Variants in WDTC1 observed in about 807,000 individuals in gnomAD.
WDTC1 encodes the protein WD and tetratricopeptide repeats 1.
WDTC1 carries 12 observed loss-of-function variants against 76.0 expected under a neutral mutation model. The observed-to-expected ratio is 0.16, with a 90% CI of 0.10 to 0.26. WDTC1 has a LOEUF of 0.26. Among genes scored for constraint, WDTC1 ranks in the 10% least tolerant of loss-of-function variants. The pLI, the probability that WDTC1 is intolerant of heterozygous loss-of-function variation, is 1.00. For synonymous variants in WDTC1, 326 were observed against 350.8 expected, an observed-to-expected ratio of 0.93 and a Z score of 0.79; for missense variants, 511 against 908.8, an observed-to-expected ratio of 0.56 and a Z score of 5.63.
intron 1 of WDTC1, among the ~76,000 whole-genome samples, chr1:27,239,425 G>A (rs922106612): frequency 1.3e-5 from 2 of 151,022 alleles, no homozygotes; most frequent in African/African-American, 4.9e-5. Flanking sequence ...AGGAATCTGA[G>A]GCGGGGGCAT....
chr1:27,278,505 A>G (rs542241755), intron 3 of WDTC1, among the ~76,000 whole-genome samples: 12 of 152,334 alleles, frequency 7.9e-5, no homozygotes, highest in Middle Eastern at 3.4e-3. Flanking sequence ...AATAAGACCA[A>G]CACAATTCCT....
chr1:27,263,303 C>T (rs2012543990), intron 3 of WDTC1, 68 bp downstream of exon 3: 7 of 1,517,118 alleles, frequency 4.6e-6, no homozygotes, highest in Admixed American at 1.9e-5. Context: ...CAGAAATCCT[C>T]TTGGCCTTAT....
At chr1:27,255,794 C>G (rs2012257753) in intron 1 of WDTC1, among the ~76,000 whole-genome samples, 1 of 152,096 alleles carries the variant, frequency 6.6e-6, no homozygotes, top group Admixed American at 6.6e-5. Flanking sequence ...GTCTTGAACT[C>G]CTGACCTCAG....
At chr1:27,284,029 T>G (rs1012535673) in intron 5 of WDTC1, among the ~76,000 whole-genome samples, 1 of 151,906 alleles carries the variant, frequency 6.6e-6, no homozygotes, top group Non-Finnish European at 1.5e-5. Context: ...GGAGGAGAGG[T>G]GAGAAGGGGA....
Position 27,294,496 on chromosome 1 carries a change from C to A in WDTC1, c.758-18C>A. The A allele has an allele frequency of 6.2e-7, 1 of 1,611,028 alleles. No homozygotes were observed. The highest frequency in any genetic ancestry group is 8.5e-7 in the Non-Finnish European group (1 of 1,177,166). ...GAAAGGGACTGGGACCCTAGTATGACTGGGCTATTCCCTGCAGGTCACCTG... is the reference window on the plus strand; with the variant it reads ...GAAAGGGACTGGGACCCTAGTATGAATGGGCTATTCCCTGCAGGTCACCTG... On this transcript the variant is annotated intron_variant, in intron 8 of 15. Coordinates refer to ENST00000319394, the MANE Select transcript of WDTC1 (RefSeq NM_001276252.2).
intron 1 of WDTC1, among the ~76,000 whole-genome samples, chr1:27,257,492 G>A (rs1215806261): frequency 6.6e-6 from 1 of 152,104 alleles, no homozygotes. Flanking sequence ...TGGTGCTTGT[G>A]GGGAAATTAC....
At chr1:27,235,385 T>A (rs1183638623) in intron 1 of WDTC1, among the ~76,000 whole-genome samples, 1 of 139,178 alleles carries the variant, frequency 7.2e-6, no homozygotes, top group East Asian at 2.2e-4. Flanking sequence ...TGTTTTTCTC[T>A]CTCTCTTTCT....
At chr1:27,255,523 A>G (rs2012247465) in intron 1 of WDTC1, 1 of 152,172 alleles carries the variant, frequency 6.6e-6, no homozygotes, top group African/African-American at 2.4e-5. Flanking sequence ...TCAATATGTA[A>G]CTGTGAATAA....
intron 1 of WDTC1, among the ~76,000 whole-genome samples, chr1:27,235,295 A>C (rs1330143967): frequency 6.6e-6 from 1 of 152,072 alleles, no homozygotes. Flanking sequence ...CGCCGGAGTC[A>C]GGAAGAAGGG....
At chr1:27,298,868 G>A (rs1180102842) in intron 12 of WDTC1, among the ~76,000 whole-genome samples, 1 of 152,144 alleles carries the variant, frequency 6.6e-6, no homozygotes. Flanking sequence ...AGGCCAGCTG[G>A]TGTGCCATCG....
intron 12 of WDTC1, among the ~76,000 whole-genome samples, chr1:27,300,092 G>T (rs2013794037): frequency 6.6e-6 from 1 of 152,190 alleles, no homozygotes; most frequent in Non-Finnish European, 1.5e-5. Flanking sequence ...TCTGTTTCCT[G>T]CCTGCCCCCA....
rs921746389 is a variant in WDTC1 at position 27,274,880 on chromosome 1, T to G, written c.133-7359T>G. On this transcript the variant is annotated intron_variant, in intron 3 of 15. Coordinates refer to ENST00000319394, the MANE Select transcript of WDTC1 (RefSeq NM_001276252.2). This position sits in a 1 kb window ranked among gnomAD's most constrained non-coding sequence, Gnocchi z 4.2. ...CTTGTGGGATTTCTTGGCACCGTAT[T>G]AGACACATGGTAGAGAGAAGAAGAA... Among the ~76,000 whole-genome samples the G allele has an allele frequency of 2.6e-5, 4 of 152,234 alleles. No individual in the cohort carries two copies. Among genetic ancestry groups the G allele is most frequent in the African/African-American group, 7.2e-5 (3 of 41,454 alleles).
At position 27,289,857 on chromosome 1, in the gene WDTC1, C is replaced by T. The variant is rs2013481590; in HGVS notation, c.479+1996C>T. 2.0e-5 allele frequency among the ~76,000 whole-genome samples: 3 copies of T among 152,274 alleles called. No individual in the cohort carries two copies. In the South Asian group the frequency reaches 6.2e-4, roughly 32 times the overall value. ...AAAACCAGTCAGGCGTGGCGGCACG[C>T]GCCTGCAATCGCAGGCACTCGGCAG... On this transcript the variant is annotated intron_variant, in intron 6 of 15. Transcript: ENST00000319394.
chr1:27,277,178 G>T (rs373375133), intron 3 of WDTC1, among the ~76,000 whole-genome samples: 1 of 151,932 alleles, frequency 6.6e-6, no homozygotes, highest in Non-Finnish European at 1.5e-5. Flanking sequence ...GACTGCAGGC[G>T]CACACCACCA....
At chr1:27,280,433 C>T (rs2013156926) in intron 3 of WDTC1, among the ~76,000 whole-genome samples, 1 of 152,206 alleles carries the variant, frequency 6.6e-6, no homozygotes, top group African/African-American at 2.4e-5. Flanking sequence ...TAAAATATTG[C>T]ACCTACATAA....
At chr1:27,292,701 A>G (rs1431121444) in intron 7 of WDTC1, among the ~76,000 whole-genome samples, 1 of 151,616 alleles carries the variant, frequency 6.6e-6, no homozygotes, top group Non-Finnish European at 1.5e-5. Context: ...TGCTGGGACT[A>G]CAAGCATGAG....
In WDTC1 at chr1:27,301,315, G is replaced by A. The variant is rs1360124516; in HGVS notation, c.1322G>A (p.Arg441His). 5 of 1,614,180 alleles carry A rather than the reference G, an allele frequency of 3.1e-6. No individual in the cohort carries two copies. The highest frequency in any genetic ancestry group is 1.7e-5 in the Admixed American group (1 of 60,022). ...CTGAAGGCACACTTTCGCCTGGCCC[G>A]CTGCCTCTTTGAGCTCAAGTATGTG... ...CHLKAHFRLA[R>H]CLFELKYVAE... Residue 441 changes from arginine (R) to histidine (H), a missense_variant, in exon 13 of 16, where the codon CGC becomes CAC. By Grantham distance (29) the Arg-to-His change is conservative (BLOSUM62 0). Transcript: ENST00000319394. This position sits in a 1 kb window ranked among gnomAD's most constrained non-coding sequence, Gnocchi z 5.8.
At position 27,303,506 on chromosome 1, in the gene WDTC1, G is replaced by A; in HGVS notation, c.1469-115G>A. 7.7e-7 allele frequency: 1 copy of A among 1,292,970 alleles called. No individual in the cohort carries two copies. Among genetic ancestry groups the A allele is most frequent in the Non-Finnish European group, 1.0e-6 (1 of 967,602 alleles). The allele number at this position is 1,292,970 out of a possible 1,614,324, so 80.1% of individuals were successfully genotyped here. On this transcript the variant is annotated intron_variant, in intron 13 of 15. Transcript: ENST00000319394. The surrounding 1 kb of genome is among the most constrained non-coding windows in gnomAD (Gnocchi z 4.8). ...CCCAGTTTTCCAGGATAAGGGTGGAGGCAGGTAGCTCTATGTTGTCAGACT... is the reference window on the plus strand; with the variant it reads ...CCCAGTTTTCCAGGATAAGGGTGGAAGCAGGTAGCTCTATGTTGTCAGACT...
At chr1:27,269,370 T>G (rs2012783223) in intron 3 of WDTC1, among the ~76,000 whole-genome samples, 1 of 149,964 alleles carries the variant, frequency 6.7e-6, no homozygotes, top group African/African-American at 2.4e-5. Flanking sequence ...AACAGTAAAT[T>G]CGTTAGGCTA....
Sources: gnomAD v4.1 joint callset for allele counts (sites outside exome capture counted in the v4.1 genomes callset) on GRCh38, gnomAD v4.1.1 for gene constraint, Gnocchi (gnomAD v3.1) non-coding constraint, MANE v1.5 for transcripts, NCBI Gene and HGNC (gene_info 2026-07-23, HGNC 2026-07-21) for gene names.